The following MMS19 variants were observed in gnomAD, a reference collection of about 807,000 sequenced individuals.
MMS19 encodes the protein MMS19 cytosolic iron-sulfur assembly component.
MMS19 carries 77 observed loss-of-function variants against 129.8 expected under a neutral mutation model. The ratio of observed to expected loss-of-function variants is 0.59; its 90% CI spans 0.49 to 0.72. The LOEUF (loss-of-function observed/expected upper bound fraction) is 0.72, where lower values mean the gene tolerates loss of function less well. MMS19 is among the 30% of genes least tolerant of loss of function. MMS19 has a pLI of 0.00. For synonymous variants in MMS19, 491 were observed against 502.8 expected, an observed-to-expected ratio of 0.98 and a Z score of 0.31; for missense variants, 1,168 against 1,266.3, an observed-to-expected ratio of 0.92 and a Z score of 1.18.
intron 1 of MMS19, among the ~76,000 whole-genome samples, chr10:97,496,925 A>G (rs539839426): frequency 6.6e-6 from 1 of 152,202 alleles, no homozygotes; most frequent in Non-Finnish European, 1.5e-5. Flanking sequence ...TAATGGTAGG[A>G]TAGATCCTAA....
In MMS19 at chr10:97,476,935, G is replaced by A. The variant is rs969529765; in HGVS notation, c.522C>T (p.Thr174=). ...EELKSLGADF[T]FGFIQVMDGE... is the part of the protein sequence containing the mutation. ...CATCCATCACCTGGATGAAGCCAAAGGTGAAGTCAGCTCCTAGGCTCTTTA... is the reference window on the plus strand; with the variant it reads ...CATCCATCACCTGGATGAAGCCAAAAGTGAAGTCAGCTCCTAGGCTCTTTA... The change falls in exon 7 of 31, where the codon ACC becomes ACT. Residue 174 remains threonine, a synonymous_variant. Transcript: ENST00000438925. 2 of 1,613,830 alleles carry A rather than the reference G, an allele frequency of 1.2e-6. No homozygotes were observed. Among genetic ancestry groups the A allele is most frequent in the Non-Finnish European group, 1.7e-6 (2 of 1,179,778 alleles).
At chr10:97,460,528 C>T (rs940923286) in intron 25 of MMS19, among the ~76,000 whole-genome samples, 167 bp downstream of exon 25, 1 of 152,108 alleles carries the variant, frequency 6.6e-6, no homozygotes, top group Non-Finnish European at 1.5e-5. Context: ...GCTGTGATTG[C>T]ACTACTGTAC....
intron 1 of MMS19, among the ~76,000 whole-genome samples, chr10:97,489,294 T>A (rs2038461956): frequency 6.6e-6 from 1 of 152,250 alleles, no homozygotes; most frequent in African/African-American, 2.4e-5. Context: ...TTTATTTGCA[T>A]TTATTTACAT....
chr10:97,469,237 A>C, intron 11 of MMS19, 133 bp from the exon 12 acceptor site: 8 of 1,097,172 alleles, frequency 7.3e-6, no homozygotes, highest in Non-Finnish European at 8.9e-6. Flanking sequence ...TAACACCCCA[A>C]CTGAGTGTCT....
At chr10:97,493,445 C>T (rs1041132056) in intron 1 of MMS19, among the ~76,000 whole-genome samples, 1 of 152,146 alleles carries the variant, frequency 6.6e-6, no homozygotes, top group Non-Finnish European at 1.5e-5. Flanking sequence ...GTGGCACGGG[C>T]CTGTAGTCTC....
chr10:97,462,451 C>T lies in MMS19; in HGVS notation c.2012+132G>A, dbSNP rs565348601. Reference sequence around the variant, plus strand: ...CCTTCCTTTTGTTTTGTCAACAAAACTTACAAGACGATTAACTGCACCACA... The same window carrying T: ...CCTTCCTTTTGTTTTGTCAACAAAATTTACAAGACGATTAACTGCACCACA... On this transcript the variant is annotated intron_variant, in intron 20 of 30. Coordinates refer to ENST00000438925, the MANE Select transcript of MMS19 (RefSeq NM_022362.5). 1.2e-3 allele frequency: 803 copies of T among 697,220 alleles called. 2 individuals carry two copies. The highest frequency in any genetic ancestry group is 1.6e-3 in the Non-Finnish European group (664 of 403,140). The allele number at this position is 697,220 out of a possible 1,614,324, so 43.2% of individuals were successfully genotyped here.
rs148575472 is a variant in MMS19 at position 97,486,862 on chromosome 10, CATATATATATATATATATATAT to C, written c.113-2733_113-2712del. Among the ~76,000 whole-genome samples, 18 of 85,088 alleles carry C rather than the reference CATATATATATATATATATATAT, an allele frequency of 2.1e-4. 2 individuals are homozygous for C. In the South Asian group the frequency reaches 3.2e-3, roughly 15 times the overall value. The allele number at this position is 85,088 out of a possible 152,430, so 55.8% of individuals were successfully genotyped here. A position where few individuals can be genotyped will look rare whatever the true frequency, so the allele number is the denominator to read the frequency against. ...TAAGCTTATCCTGAAATTAAAGTGC[CATATATATATATATATATATAT>C]ATATATATATAAAATTAAGACAGGC... On this transcript the variant is annotated intron_variant, in intron 1 of 30. Coordinates refer to ENST00000438925, the MANE Select transcript of MMS19 (RefSeq NM_022362.5).
intron 1 of MMS19, among the ~76,000 whole-genome samples, chr10:97,489,926 T>C (rs754690402): frequency 6.6e-6 from 1 of 152,244 alleles, no homozygotes; most frequent in Non-Finnish European, 1.5e-5. Context: ...GCAATGTTAA[T>C]GTTTATCACT....
At chr10:97,462,448 AAACTTACAAGACGATT>A (rs1476307966) in intron 20 of MMS19, 119 bp downstream of exon 20, 1 of 690,784 alleles carries the variant, frequency 1.4e-6, no homozygotes, top group Admixed American at 2.5e-5. Flanking sequence ...TTTGTCAACA[AAACTTACAAGACGATT>A]AACTGCACCA....
chr10:97,461,237 T>C (rs144522935), intron 23 of MMS19: 1 of 606,866 alleles, frequency 1.6e-6, no homozygotes, highest in East Asian at 2.8e-5. Context: ...TAAAGAATTA[T>C]CCACACTAGC....
chr10:97,467,527 C>G lies in MMS19; in HGVS notation c.1275G>C (p.Gln425His). Reference protein sequence around the residue: ...EMLLGFLKLQQKWSYEDKDQR... With the variant: ...EMLLGFLKLQHKWSYEDKDQR... ...CACCTTTGTCTTCATAGCTCCATTT[C>G]TGCTGCAGCTTCAAGAAACCCAGGA... The change falls in exon 14 of 31, where the codon CAG (glutamine) becomes CAC (histidine). Residue 425 changes from glutamine to histidine, a missense_variant. By Grantham distance (24) the Gln-to-His change is conservative. Around this residue, in one of 3 missense-constraint regions of MMS19, gnomAD observed 831 missense variants for 910.8 expected, o/e 0.91. Transcript: ENST00000438925. 1 of 1,613,978 alleles carries G rather than the reference C, an allele frequency of 6.2e-7. No homozygotes were observed. The highest frequency in any genetic ancestry group is 1.1e-5 in the South Asian group (1 of 91,072).
Position 97,486,862 on chromosome 10 carries a change from CATATATATATATATATATAT to C in MMS19, c.113-2731_113-2712del, listed in dbSNP as rs148575472. 1.0e-3 allele frequency among the ~76,000 whole-genome samples: 86 copies of C among 85,082 alleles called. 3 individuals carry two copies. Among genetic ancestry groups the C allele is most frequent in the African/African-American group, 2.9e-3 (70 of 24,374 alleles). 55.8% of individuals were successfully genotyped at this position (85,082 alleles called of 152,430 possible). ...TAAGCTTATCCTGAAATTAAAGTGC[CATATATATATATATATATAT>C]ATATATATATATAAAATTAAGACAG... On this transcript the variant is annotated intron_variant, in intron 1 of 30. Transcript: ENST00000438925.
At chr10:97,482,735 T>TATATAC (rs1554849492) in intron 2 of MMS19, among the ~76,000 whole-genome samples, 17 of 137,800 alleles carry the variant, frequency 1.2e-4, no homozygotes, top group African/African-American at 4.4e-4. Context: ...TGTGTATATA[T>TATATAC]ATACACACAC....
intron 23 of MMS19, 173 bp downstream of exon 23, chr10:97,461,323 C>CCAA: frequency 1.4e-6 from 1 of 737,428 alleles, no homozygotes; most frequent in Non-Finnish European, 2.2e-6. Flanking sequence ...AAAGCTCTGC[C>CCAA]CAACTGTGGT....
intron 1 of MMS19, among the ~76,000 whole-genome samples, chr10:97,496,614 T>A (rs1471128148): frequency 6.6e-6 from 1 of 151,534 alleles, no homozygotes; most frequent in Non-Finnish European, 1.5e-5. Flanking sequence ...ATGTTCTGAA[T>A]CAAAAAAAAA....
At chr10:97,489,517 T>C (rs1387427883) in intron 1 of MMS19, among the ~76,000 whole-genome samples, 4 of 152,248 alleles carry the variant, frequency 2.6e-5, no homozygotes, top group Non-Finnish European at 5.9e-5. Context: ...GGCACACATC[T>C]GTGAAACTAT....
rs756698055 is a variant in MMS19, at chr10:97,476,865, G to A, written c.592C>T (p.His198Tyr). 11 of 1,614,002 alleles carry A rather than the reference G, an allele frequency of 6.8e-6. No homozygotes were observed. In the South Asian group the frequency reaches 1.2e-4, roughly 18 times the overall value. ...CTATAGTCCCTGGAGATGAGGTCAT[G>A]GACGATGCGGAAGGCCACCAGAAGA... ...RNLLVAFRIV[H>Y]DLISRDYSLG... is the part of the protein sequence containing the mutation. The change falls in exon 7 of 31, where the codon CAT (histidine) becomes TAT (tyrosine). Residue 198 changes from histidine to tyrosine, a missense_variant. His to Tyr is a moderately conservative substitution (Grantham distance 83). Transcript: ENST00000438925.
Position 97,462,614 on chromosome 10 carries a change from T to C in MMS19, c.1981A>G (p.Ile661Val). Residue 661 changes from isoleucine (I) to valine (V), a missense_variant, in exon 20 of 31, where the codon ATT becomes GTT. By Grantham distance (29) the Ile-to-Val change is conservative. Transcript: ENST00000438925. ...DEVLAAMVSV[I>V]GTATTHLSPE... ...CTCAGGTGGGTTGTAGCAGTGCCAA[T>C]GACAGACACCATGGCAGCCAACACC... 5 of 1,613,968 alleles carry C rather than the reference T, an allele frequency of 3.1e-6. No homozygotes were observed. The highest frequency in any genetic ancestry group is 3.4e-6 in the Non-Finnish European group (4 of 1,179,854).
chr10:97,467,452 T>C (rs1305300185), intron 14 of MMS19, 53 bp downstream of exon 14: 3 of 1,391,006 alleles, frequency 2.2e-6, no homozygotes, highest in African/African-American at 1.4e-5. Flanking sequence ...CTATCCTTTA[T>C]AGGCTGAAGT....
Sources: gnomAD v4.1 joint callset for allele counts (sites outside exome capture counted in the v4.1 genomes callset) on GRCh38, gnomAD v4.1.1 for gene constraint, gnomAD v4.1.1 regional missense constraint, MANE v1.5 for transcripts, NCBI Gene and HGNC (gene_info 2026-07-23, HGNC 2026-07-21) for gene names.